Variants in TOP2A observed in about 807,000 individuals in gnomAD.
TOP2A encodes DNA topoisomerase II alpha.
A neutral mutation model predicts 187.2 loss-of-function variants in TOP2A; 68 were observed. The observed-to-expected ratio is 0.36, with a 90% CI of 0.30 to 0.44. TOP2A has a LOEUF of 0.44. Among genes scored for constraint, TOP2A ranks in the 20% least tolerant of loss-of-function variants. The pLI is 1.00. For synonymous variants in TOP2A, 542 were observed against 593.2 expected (o/e 0.91, Z 1.25); for missense variants, 1,196 against 1,808.7 (o/e 0.66, Z 6.14).
At chr17:40,415,721 G>A (rs1382765064) in intron 4 of TOP2A, among the ~76,000 whole-genome samples, 1 of 152,164 alleles carries the variant, frequency 6.6e-6, no homozygotes, top group Non-Finnish European at 1.5e-5. Flanking sequence ...CAACACTGGA[G>A]GATTGCTTCA....
In TOP2A at chr17:40,404,997, T is replaced by A. The variant is rs1376508746; in HGVS notation, c.1954-114A>T. ...AACAAAAATACTGTTTTCCTTTTTT[T>A]TTTTTTTTGAGACGGGAGTTACTGT... On this transcript the variant is annotated intron_variant, in intron 16 of 34. Transcript: ENST00000423485. 7.3e-6 allele frequency: 5 copies of A among 683,324 alleles called. No homozygotes were observed. The African/African-American group carries it at 9.2e-5, about 13-fold the overall frequency. The allele number at this position is 683,324 out of a possible 1,614,324, so 42.3% of individuals were successfully genotyped here.
intron 30 of TOP2A, 23 bp downstream of exon 30, chr17:40,392,562 T>C (rs200090465): frequency 1.3e-6 from 2 of 1,599,998 alleles, no homozygotes; most frequent in African/African-American, 1.3e-5. Context: ...AGTTTATCTA[T>C]AATGTTCTTT....
At chr17:40,408,732 A>G in intron 10 of TOP2A, 102 bp from the exon 11 acceptor site, 1 of 1,272,490 alleles carries the variant, frequency 7.9e-7, no homozygotes, top group Non-Finnish European at 1.1e-6. Flanking sequence ...AAATGATTCA[A>G]AAATTAAAAA....
intron 7 of TOP2A, among the ~76,000 whole-genome samples, chr17:40,412,108 A>C (rs377095816): frequency 1.4e-4 from 21 of 152,228 alleles, no homozygotes; most frequent in African/African-American, 5.1e-4. Context: ...AGGTGGGATG[A>C]TCGCTTGAGC....
chr17:40,408,084 C>T lies in TOP2A; in HGVS notation c.1383G>A (p.Glu461=). The part of the protein sequence containing the change: ...NSTECTLILT[E]GDSAKTLAVS... Reference sequence around the variant, plus strand: ...CAGCCAAAGTTTTGGCTGAATCTCCCTCAGTCAGGATAAGCGTACACTCAG... The same window carrying T: ...CAGCCAAAGTTTTGGCTGAATCTCCTTCAGTCAGGATAAGCGTACACTCAG... Residue 461 remains glutamate, a synonymous_variant, in exon 12 of 35, where the codon GAG becomes GAA. Coordinates refer to ENST00000423485, the MANE Select transcript of TOP2A (RefSeq NM_001067.4). 1 of 1,613,600 alleles carries T rather than the reference C, an allele frequency of 6.2e-7. No individual in the cohort carries two copies. Among genetic ancestry groups the T allele is most frequent in the Non-Finnish European group, 8.5e-7 (1 of 1,179,644 alleles).
rs2035042057 is a variant in TOP2A, at chr17:40,392,795, A to G, written c.3812-58T>C. 5.2e-6 allele frequency: 7 copies of G among 1,355,588 alleles called. No individual in the cohort carries two copies. The East Asian group carries it at 1.2e-4, about 23-fold the overall frequency. 84.0% of individuals were successfully genotyped at this position (1,355,588 alleles called of 1,614,324 possible). ...ATATTAGACCCACTTTTCTCCATCT[A>G]TCATCCATCCATCCTTCAAATTTAT... On this transcript the variant is annotated intron_variant, in intron 29 of 34. Coordinates refer to ENST00000423485, the MANE Select transcript of TOP2A (RefSeq NM_001067.4).
rs756935294 is a variant in TOP2A at position 40,404,386 on chromosome 17, T to A, written c.2152A>T (p.Met718Leu). Residue 718 changes from methionine to leucine, a missense_variant, in exon 18 of 35, where the codon ATG (methionine) becomes TTG (leucine). By Grantham distance (15) the Met-to-Leu change is conservative. Coordinates refer to ENST00000423485, the MANE Select transcript of TOP2A (RefSeq NM_001067.4). Reference sequence around the variant, plus strand: ...ACAAATTGGAACTCACCATCCACCATAGAAGGGATAGATCTCTCGTTATCA... The same window carrying A: ...ACAAATTGGAACTCACCATCCACCAAAGAAGGGATAGATCTCTCGTTATCA... ...NSDNERSIPS[M>L]VDGLKPGQRK... The A allele has an allele frequency of 6.2e-7, 1 of 1,607,762 alleles. No homozygotes were observed. The highest frequency in any genetic ancestry group is 1.3e-5 in the African/African-American group (1 of 74,742).
At chr17:40,404,081 A>C in intron 19 of TOP2A, 71 bp downstream of exon 19, 3 of 1,564,772 alleles carry the variant, frequency 1.9e-6, no homozygotes, top group Non-Finnish European at 2.6e-6. Flanking sequence ...CTTTCACCAA[A>C]TCTGTTTTGA....
At chr17:40,407,941 A>C (rs955309060) in intron 12 of TOP2A, 26 bp downstream of exon 12, 1 of 1,583,510 alleles carries the variant, frequency 6.3e-7, no homozygotes, top group Non-Finnish European at 8.6e-7. Flanking sequence ...TTAGATTTAG[A>C]TTCTGAAGAT....
intron 29 of TOP2A, 24 bp from the exon 30 acceptor site, chr17:40,392,761 C>A: frequency 6.3e-7 from 1 of 1,588,748 alleles, no homozygotes; most frequent in Non-Finnish European, 8.5e-7. Context: ...AGAAATTAAT[C>A]ACCTTTATAT....
At chr17:40,417,411 C>T (rs529572422) in intron 1 of TOP2A, among the ~76,000 whole-genome samples, 1 of 152,036 alleles carries the variant, frequency 6.6e-6, no homozygotes, top group African/African-American at 2.4e-5. Context: ...TTTCCAAGAT[C>T]GGGGACATTC....
At chr17:40,396,217 G>T in intron 28 of TOP2A, 66 bp downstream of exon 28, 1 of 854,566 alleles carries the variant, frequency 1.2e-6, no homozygotes, top group Non-Finnish European at 1.8e-6. Flanking sequence ...CTGACCTCAA[G>T]TGATCCACCC....
At chr17:40,393,101 C>T (rs150419959) in intron 29 of TOP2A, among the ~76,000 whole-genome samples, 13 of 152,160 alleles carry the variant, frequency 8.5e-5, no homozygotes, top group East Asian at 1.9e-4. Context: ...GTAGGCGGAT[C>T]GCTTGAGCTC....
At chr17:40,406,990 G>A (rs779604914) in intron 13 of TOP2A, 48 bp from the exon 14 acceptor site, 17 of 1,436,538 alleles carry the variant, frequency 1.2e-5, no homozygotes, top group Admixed American at 7.9e-5. Flanking sequence ...TAGGCTGGGC[G>A]TGGTAGCTAA....
chr17:40,402,309 G>A (rs1424717629), intron 20 of TOP2A, among the ~76,000 whole-genome samples: 1 of 152,198 alleles, frequency 6.6e-6, no homozygotes. Flanking sequence ...GGGAGTTCAG[G>A]GGAGAGACCA....
At chr17:40,396,603 TCAA>T in intron 27 of TOP2A, 138 bp from the exon 28 acceptor site, 1 of 1,050,280 alleles carries the variant, frequency 9.5e-7, no homozygotes, top group Non-Finnish European at 1.3e-6. Flanking sequence ...TAGTATACTA[TCAA>T]CAATAGTGAA....
intron 10 of TOP2A, chr17:40,409,779 CAAA>C (rs886646711): frequency 1.0e-3 from 77 of 76,296 alleles, no homozygotes; most frequent in Middle Eastern, 8.9e-3. Flanking sequence ...GACTCTGTCT[CAAA>C]AAAAAAAAAA....
chr17:40,406,757 G>A (rs1486055073), intron 14 of TOP2A, 68 bp from the exon 15 acceptor site: 10 of 1,559,786 alleles, frequency 6.4e-6, no homozygotes, highest in East Asian at 4.5e-5. Context: ...TACATGTGAC[G>A]GGGCTTATAT....
At chr17:40,405,835 C>G (rs1469887650) in intron 16 of TOP2A, among the ~76,000 whole-genome samples, 2 of 151,528 alleles carry the variant, frequency 1.3e-5, no homozygotes, top group Non-Finnish European at 2.9e-5. Flanking sequence ...GGCCTGATCT[C>G]GGCTCACTGC....
Sources: gnomAD v4.1 joint callset for allele counts (sites outside exome capture counted in the v4.1 genomes callset) on GRCh38, gnomAD v4.1.1 for gene constraint, MANE v1.5 for transcripts, NCBI Gene and HGNC (gene_info 2026-07-23, HGNC 2026-07-21) for gene names.